Variants in ATG10 observed in about 807,000 individuals in gnomAD.
ATG10 encodes autophagy related 10.
ATG10 carries 30 observed loss-of-function variants against 32.1 expected under a neutral mutation model. The observed-to-expected ratio is 0.94, with a 90% CI of 0.70 to 1.27. The LOEUF (loss-of-function observed/expected upper bound fraction) is 1.27, where lower values mean the gene tolerates loss of function less well. ATG10 is among the 50% of genes most tolerant of loss of function. The probability of loss-of-function intolerance (pLI) is 0.00; values close to 1 mark genes in which losing one functional copy is unlikely to be tolerated. For synonymous variants in ATG10, 87 were observed against 91.5 expected (o/e 0.95, Z 0.28); for missense variants, 233 against 262.3 (o/e 0.89, Z 0.77).
At chr5:82,159,124 G>T (rs1395589603) in intron 3 of ATG10, among the ~76,000 whole-genome samples, 1 of 152,088 alleles carries the variant, frequency 6.6e-6, no homozygotes, top group Non-Finnish European at 1.5e-5. Flanking sequence ...TTGAACATAA[G>T]CACTGTGATA....
chr5:82,089,906 A>G (rs1363941324), intron 3 of ATG10, among the ~76,000 whole-genome samples: 1 of 152,106 alleles, frequency 6.6e-6, no homozygotes, highest in Admixed American at 6.5e-5. Flanking sequence ...ACATTATAAA[A>G]ACAGTCCAAT....
At chr5:81,972,713 A>C (rs1011033230) in intron 1 of ATG10, 1 of 152,228 alleles carries the variant, frequency 6.6e-6, no homozygotes, top group East Asian at 1.9e-4. Flanking sequence ...TTTCAGATTA[A>C]GTATCAGGAG....
chr5:82,188,160 A>G (rs757518636), intron 5 of ATG10, among the ~76,000 whole-genome samples: 5 of 152,246 alleles, frequency 3.3e-5, no homozygotes, highest in Admixed American at 6.5e-5. Context: ...TAAACAGGAT[A>G]TATTTCTTAT....
intron 1 of ATG10, among the ~76,000 whole-genome samples, chr5:81,984,958 G>T (rs1245393141): frequency 6.6e-6 from 1 of 152,106 alleles, no homozygotes; most frequent in African/African-American, 2.4e-5. Context: ...TTGTATTATT[G>T]TATGTAGCAT....
chr5:82,148,345 A>G (rs1767450382), intron 3 of ATG10, among the ~76,000 whole-genome samples: 1 of 152,190 alleles, frequency 6.6e-6, no homozygotes, highest in Non-Finnish European at 1.5e-5. Flanking sequence ...ATCATGTTCT[A>G]GAACATCATC....
At chr5:82,100,807 C>A (rs1765248466) in intron 3 of ATG10, among the ~76,000 whole-genome samples, 1 of 126,464 alleles carries the variant, frequency 7.9e-6, no homozygotes, top group African/African-American at 2.9e-5. Flanking sequence ...CTGCCTGTAA[C>A]CACAGCATGA....
intron 3 of ATG10, among the ~76,000 whole-genome samples, chr5:82,130,773 C>A (rs994345541): frequency 2.0e-5 from 3 of 152,034 alleles, no homozygotes; most frequent in Non-Finnish European, 4.4e-5. Flanking sequence ...AGCTGCAGAC[C>A]GGAGCAGTTC....
At chr5:82,209,209 C>T (rs770182072) in intron 5 of ATG10, among the ~76,000 whole-genome samples, 8 of 152,048 alleles carry the variant, frequency 5.3e-5, no homozygotes, top group African/African-American at 1.7e-4. Flanking sequence ...ATTTGAAGGT[C>T]GTCTTTTTTA....
chr5:82,056,930 T>C (rs928380121), intron 2 of ATG10, among the ~76,000 whole-genome samples: 1 of 152,084 alleles, frequency 6.6e-6, no homozygotes, highest in Admixed American at 6.5e-5. Flanking sequence ...AAGGTTTCAA[T>C]GGTAGAAGAC....
At chr5:82,136,810 C>T (rs1422685280) in intron 3 of ATG10, among the ~76,000 whole-genome samples, 2 of 152,144 alleles carry the variant, frequency 1.3e-5, no homozygotes, top group African/African-American at 4.8e-5. Flanking sequence ...GAGTGTTTTC[C>T]AACTTGGTTC....
chr5:82,029,794 G>A (rs578208348), intron 2 of ATG10, among the ~76,000 whole-genome samples: 1 of 152,196 alleles, frequency 6.6e-6, no homozygotes, highest in East Asian at 1.9e-4. Context: ...GTTAACTCTT[G>A]GAACCTATTT....
intron 2 of ATG10, among the ~76,000 whole-genome samples, chr5:82,017,455 A>G (rs1762320999): frequency 6.6e-6 from 1 of 152,136 alleles, no homozygotes; most frequent in Admixed American, 6.5e-5. Flanking sequence ...AATAGAAGTG[A>G]TGAAAGTGGG....
At chr5:81,986,761 A>C (rs1214979688) in intron 1 of ATG10, among the ~76,000 whole-genome samples, 1 of 152,120 alleles carries the variant, frequency 6.6e-6, no homozygotes, top group Non-Finnish European at 1.5e-5. Context: ...AAACAAAAAC[A>C]AGCTGGGCAC....
chr5:82,138,669 C>T (rs1044371619), intron 3 of ATG10, among the ~76,000 whole-genome samples: 1 of 152,110 alleles, frequency 6.6e-6, no homozygotes, highest in Non-Finnish European at 1.5e-5. Flanking sequence ...TTCCATTTGA[C>T]CATCTTGCCC....
At chr5:82,015,060 A>G (rs10805809) in intron 2 of ATG10, among the ~76,000 whole-genome samples, 87,075 of 151,824 alleles carry the variant, frequency 0.57, 27,783 homozygotes, top group East Asian at 0.98. Context: ...TTGTCTGTAA[A>G]GTATTTATTT....
intron 3 of ATG10, among the ~76,000 whole-genome samples, chr5:82,157,313 T>G (rs967790437): frequency 1.3e-5 from 2 of 152,206 alleles, no homozygotes; most frequent in Admixed American, 6.5e-5. Flanking sequence ...GATATTATCC[T>G]TGGGATCATC....
At chr5:82,074,670 C>T (rs1455957903) in intron 3 of ATG10, among the ~76,000 whole-genome samples, 1 of 152,168 alleles carries the variant, frequency 6.6e-6, no homozygotes, top group Non-Finnish European at 1.5e-5. Context: ...TCTTATTCTC[C>T]ACGGTACCTA....
chr5:82,130,126 C>T (rs937908316), intron 3 of ATG10, among the ~76,000 whole-genome samples: 13 of 152,178 alleles, frequency 8.5e-5, no homozygotes, highest in Non-Finnish European at 1.6e-4. Flanking sequence ...AACTTCCAGG[C>T]GGCTTTCTTT....
At chr5:82,003,143 A>T (rs527578312) in intron 2 of ATG10, among the ~76,000 whole-genome samples, 105 of 152,330 alleles carry the variant, frequency 6.9e-4, no homozygotes, top group Middle Eastern at 3.4e-3. Context: ...GCAAATAAGT[A>T]CTTATGTATT....
Sources: gnomAD v4.1 joint callset for allele counts (sites outside exome capture counted in the v4.1 genomes callset) on GRCh38, gnomAD v4.1.1 for gene constraint, MANE v1.5 for transcripts, NCBI Gene and HGNC (gene_info 2026-07-23, HGNC 2026-07-21) for gene names.